The following FRMPD2 variants were observed in gnomAD, a reference collection of about 807,000 sequenced individuals.
The protein encoded by FRMPD2 is FERM and PDZ domain-containing protein 2.
Under a neutral mutation model 140.1 loss-of-function variants are expected in FRMPD2, and 96 were observed. The ratio of observed to expected loss-of-function variants is 0.69; its 90% CI spans 0.58 to 0.81. The LOEUF is 0.81. Among genes scored for constraint, FRMPD2 ranks in the 40% least tolerant of loss-of-function variants. The pLI, the probability that FRMPD2 is intolerant of heterozygous loss-of-function variation, is 0.00. For missense variants in FRMPD2, 1,240 were observed against 1,447.4 expected (o/e 0.86, Z 2.32); for synonymous variants, 449 against 547.6 (o/e 0.82, Z 2.52).
chr10:48,272,646 A>C (rs1026788960), intron 1 of FRMPD2, among the ~76,000 whole-genome samples: 3 of 152,224 alleles, frequency 2.0e-5, no homozygotes, highest in Admixed American at 6.5e-5. Context: ...GCTACAAATT[A>C]GGGCTTGGTT....
chr10:48,195,092 T>A (rs978317842), intron 15 of FRMPD2, among the ~76,000 whole-genome samples: 24 of 152,256 alleles, frequency 1.6e-4, no homozygotes, highest in African/African-American at 5.5e-4. Flanking sequence ...ACACAGGATA[T>A]ACTCTGAGCC....
At chr10:48,242,449 G>T in intron 4 of FRMPD2, 97 bp from the exon 5 acceptor site, 2 of 1,070,516 alleles carry the variant, frequency 1.9e-6, no homozygotes, top group South Asian at 1.5e-5. Flanking sequence ...ATGGAAACGG[G>T]TGTTCCCACA....
rs73294219 is a variant in FRMPD2, at chr10:48,209,863, A to T, written c.1611+2091T>A. 2.4e-3 allele frequency among the ~76,000 whole-genome samples: 359 copies of T among 152,344 alleles called. 2 individuals carry two copies. Among genetic ancestry groups the T allele is most frequent in the African/African-American group, 8.3e-3 (345 of 41,582 alleles). Reference sequence around the variant, plus strand: ...AATAGTCCCATATTGGAAACCATTTATATGTTAAACAATAGAGCATTGAGA... The same window carrying T: ...AATAGTCCCATATTGGAAACCATTTTTATGTTAAACAATAGAGCATTGAGA... On this transcript the variant is annotated intron_variant, in intron 13 of 28. Coordinates refer to ENST00000374201, the MANE Select transcript of FRMPD2 (RefSeq NM_001018071.4).
At chr10:48,222,052 G>A (rs891632920) in intron 12 of FRMPD2, among the ~76,000 whole-genome samples, 2 of 150,410 alleles carry the variant, frequency 1.3e-5, no homozygotes, top group Non-Finnish European at 3.0e-5. Flanking sequence ...ATAGGTAGGT[G>A]GGTGGATGGA....
At chr10:48,186,198 G>A (rs2131839667) in intron 17 of FRMPD2, among the ~76,000 whole-genome samples, 1 of 152,310 alleles carries the variant, frequency 6.6e-6, no homozygotes, top group African/African-American at 2.4e-5. Flanking sequence ...CTGGAGTCCT[G>A]GAGTGGGGCA....
At chr10:48,158,047 C>T (rs1196285358) in intron 28 of FRMPD2, among the ~76,000 whole-genome samples, 22 of 147,568 alleles carry the variant, frequency 1.5e-4, no homozygotes, top group African/African-American at 5.3e-4. Context: ...ACCTCCCACC[C>T]GTAGACTCCC....
At chr10:48,227,201 T>A (rs1387307608) in intron 10 of FRMPD2, among the ~76,000 whole-genome samples, 3 of 152,252 alleles carry the variant, frequency 2.0e-5, no homozygotes, top group Admixed American at 2.0e-4. Context: ...GTGAATTTGG[T>A]TCTAGGTTCT....
At chr10:48,240,277 T>C in intron 6 of FRMPD2, 83 bp downstream of exon 6, 1 of 1,447,712 alleles carries the variant, frequency 6.9e-7, no homozygotes, top group Non-Finnish European at 9.4e-7. Flanking sequence ...CATCACAATG[T>C]GGATGTGTAG....
rs1393281241 is a variant in FRMPD2 at position 48,242,143 on chromosome 10, G to T, written c.567+18C>A. ...ATGACCAGCAGCTACTGCTTGAAAA[G>T]CACGGTTCTCTACTGACCTCAGAAA... On this transcript the variant is annotated intron_variant, in intron 5 of 28. Transcript: ENST00000374201. 11 of 1,551,326 alleles carry T rather than the reference G, an allele frequency of 7.1e-6. No individual in the cohort carries two copies. Among genetic ancestry groups the T allele is most frequent in the Non-Finnish European group, 9.6e-6 (11 of 1,143,146 alleles).
intron 10 of FRMPD2, 81 bp downstream of exon 10, chr10:48,232,034 G>T (rs955596430): frequency 1.5e-6 from 2 of 1,348,348 alleles, no homozygotes; most frequent in African/African-American, 1.4e-5. Flanking sequence ...AGTTTTCCCA[G>T]AAGAAACAGA....
At chr10:48,247,643 T>C (rs1203745420) in intron 3 of FRMPD2, among the ~76,000 whole-genome samples, 1 of 152,194 alleles carries the variant, frequency 6.6e-6, no homozygotes, top group Non-Finnish European at 1.5e-5. Context: ...CAGACTCTCA[T>C]TTACCACTGG....
chr10:48,239,607 G>A lies in FRMPD2; in HGVS notation c.786C>T (p.Asn262=). The A allele has an allele frequency of 6.2e-7, 1 of 1,613,242 alleles. No individual in the cohort carries two copies. Among genetic ancestry groups the A allele is most frequent in the Non-Finnish European group, 8.5e-7 (1 of 1,179,246 alleles). Residue 262 remains asparagine, a splice_region_variant and synonymous_variant, in exon 7 of 29, where the codon AAC becomes AAT. Coordinates refer to ENST00000374201, the MANE Select transcript of FRMPD2 (RefSeq NM_001018071.4). ...ACCCTTTAGGCCTTGCTGCTTACCG[G>A]TTAACAAGGAGGCTGCAGTGACTGT... is the stretch of plus-strand genomic sequence containing the variant. The part of the protein sequence containing the change: ...LTHSHCSLLV[N]RALPGADPQD...
chr10:48,259,847 A>G (rs1382385368), intron 1 of FRMPD2, among the ~76,000 whole-genome samples: 1 of 152,162 alleles, frequency 6.6e-6, no homozygotes, highest in Admixed American at 6.5e-5. Flanking sequence ...AGCAAGGCCC[A>G]GATTCTACTT....
At chr10:48,211,693 A>G (rs1302652151) in intron 13 of FRMPD2, among the ~76,000 whole-genome samples, 2 of 152,150 alleles carry the variant, frequency 1.3e-5, no homozygotes, top group African/African-American at 4.8e-5. Flanking sequence ...TCAAAAAAAT[A>G]AATAAATAAA....
chr10:48,214,141 C>T (rs1839391867), intron 12 of FRMPD2, among the ~76,000 whole-genome samples: 1 of 152,168 alleles, frequency 6.6e-6, no homozygotes, highest in African/African-American at 2.4e-5. Context: ...AAAAGCTTCT[C>T]AAGTGCTGAT....
Position 48,157,145 on chromosome 10 carries a change from G to A in FRMPD2, c.*177C>T. The A allele has an allele frequency of 4.2e-6, 3 of 716,254 alleles. No homozygotes were observed. Among genetic ancestry groups the A allele is most frequent in the East Asian group, 2.6e-5 (1 of 38,004 alleles). The allele number at this position is 716,254 out of a possible 1,614,324, so 44.4% of individuals were successfully genotyped here. A position where few individuals can be genotyped will look rare whatever the true frequency, so the allele number is the denominator to read the frequency against. ...CATTTACTCCCCGCGGAAGGACACAGGAGGCAGACGAGTGGTGAAGCTCAT... is the reference window on the plus strand; with the variant it reads ...CATTTACTCCCCGCGGAAGGACACAAGAGGCAGACGAGTGGTGAAGCTCAT... On this transcript the variant is annotated 3_prime_UTR_variant, in exon 29 of 29. Transcript: ENST00000374201.
At chr10:48,236,344 T>G in intron 9 of FRMPD2, 138 bp downstream of exon 9, 1 of 733,248 alleles carries the variant, frequency 1.4e-6, no homozygotes, top group South Asian at 1.7e-5. Flanking sequence ...GCAGTGATGG[T>G]TCTGGCAGAG....
intron 6 of FRMPD2, 102 bp downstream of exon 6, chr10:48,240,258 T>C: frequency 7.5e-7 from 1 of 1,331,590 alleles, no homozygotes; most frequent in East Asian, 2.4e-5. Flanking sequence ...TTACATAGGC[T>C]TTCTCTGCCA....
rs868979350 is a variant in FRMPD2 at position 48,159,071 on chromosome 10, G to A, written c.3882-1701C>T. ...TATTATAATTGTCCTATTTACTTAC[G>A]GTTAAACTCACAACAAAGTTTGGGG... On this transcript the variant is annotated intron_variant, in intron 28 of 28. Transcript: ENST00000374201. The A allele has an allele frequency of 5.9e-4, 246 of 416,810 alleles. 2 individuals are homozygous for A. The highest frequency in any genetic ancestry group is 3.2e-3 in the South Asian group (183 of 56,410). The allele number at this position is 416,810 out of a possible 1,614,324, so 25.8% of individuals were successfully genotyped here. A position where few individuals can be genotyped will look rare whatever the true frequency, so the allele number is the denominator to read the frequency against.
Sources: allele counts gnomAD v4.1 joint callset (sites outside exome capture counted in the v4.1 genomes callset), GRCh38; gene constraint gnomAD v4.1.1; transcripts MANE v1.5; gene names NCBI Gene and HGNC (gene_info 2026-07-23, HGNC 2026-07-21).